The following DOCK3 variants were observed in gnomAD, a reference collection of about 807,000 sequenced individuals.
DOCK3 encodes dedicator of cytokinesis protein 3.
Under a neutral mutation model 265.6 loss-of-function variants are expected in DOCK3, and 60 were observed. The ratio of observed to expected loss-of-function variants is 0.23; its 90% CI spans 0.18 to 0.28. DOCK3 has a LOEUF of 0.28. DOCK3 is among the 10% of genes least tolerant of loss of function. The pLI is 1.00. For missense variants in DOCK3, 1,981 were observed against 2,594.3 expected (o/e 0.76, Z 5.14); for synonymous variants, 881 against 938.0 (o/e 0.94, Z 1.11).
intron 15 of DOCK3, among the ~76,000 whole-genome samples, chr3:51,226,708 G>A (rs1228586641): frequency 1.3e-5 from 2 of 152,164 alleles, no homozygotes; most frequent in Non-Finnish European, 2.9e-5. Flanking sequence ...GTGGCCCAAA[G>A]CTTCCTGTTG....
At chr3:51,104,388 C>T (rs1436164909) in intron 9 of DOCK3, among the ~76,000 whole-genome samples, 1 of 152,112 alleles carries the variant, frequency 6.6e-6, no homozygotes, top group Non-Finnish European at 1.5e-5. Context: ...AAATGGGGAC[C>T]ATTGAAGGTT....
intron 2 of DOCK3, among the ~76,000 whole-genome samples, chr3:50,780,670 A>T (rs2041862306): frequency 6.6e-6 from 1 of 152,200 alleles, no homozygotes; most frequent in Non-Finnish European, 1.5e-5. Context: ...TATCCCAAAC[A>T]TCATTTGTTT....
At chr3:51,187,630 T>C (rs561129316) in intron 12 of DOCK3, among the ~76,000 whole-genome samples, 3 of 152,234 alleles carry the variant, frequency 2.0e-5, no homozygotes, top group Admixed American at 1.3e-4. Flanking sequence ...TTCCCACATA[T>C]TGTGGGAGGG....
intron 38 of DOCK3, among the ~76,000 whole-genome samples, chr3:51,345,456 T>C (rs2085501050): frequency 6.6e-6 from 1 of 151,996 alleles, no homozygotes; most frequent in South Asian, 2.1e-4. Context: ...ATAAAATATT[T>C]TAAAAACTAG....
rs1026530139 is a variant in DOCK3, at chr3:50,990,657, A to C, written c.315+56580A>C. Among the ~76,000 whole-genome samples the C allele has an allele frequency of 2.7e-4, 41 of 152,332 alleles. 1 individual carries two copies. The highest frequency in any genetic ancestry group is 2.4e-3 in the Admixed American group (37 of 15,306). On this transcript the variant is annotated intron_variant, in intron 5 of 52. Transcript: ENST00000266037. ...TCACATGATCACAAGGTCCCACAGT[A>C]GATCATCCGCGGGCTGAGGAGCAAG...
chr3:50,843,396 A>G (rs942839176), intron 3 of DOCK3, among the ~76,000 whole-genome samples: 15 of 152,050 alleles, frequency 9.9e-5, no homozygotes, highest in Non-Finnish European at 1.5e-4. Flanking sequence ...AGACTTCTCT[A>G]TGTAGTCTCG....
chr3:50,711,725 T>G (rs1029987411), intron 1 of DOCK3, among the ~76,000 whole-genome samples: 4 of 152,232 alleles, frequency 2.6e-5, no homozygotes, highest in African/African-American at 9.6e-5. Flanking sequence ...TCCTTTCGTT[T>G]TGGAAGAGTT....
At chr3:50,969,332 C>T (rs546500249) in intron 5 of DOCK3, among the ~76,000 whole-genome samples, 19 of 152,064 alleles carry the variant, frequency 1.2e-4, no homozygotes, top group African/African-American at 4.3e-4. Context: ...ATGGTATATC[C>T]CTTTCCACCC....
chr3:51,286,229 G>C (rs900076333), intron 27 of DOCK3, among the ~76,000 whole-genome samples: 1 of 151,994 alleles, frequency 6.6e-6, no homozygotes. Flanking sequence ...GCCACAAAAA[G>C]AATAAAGTAT....
chr3:50,932,661 G>T (rs923915358), intron 4 of DOCK3, among the ~76,000 whole-genome samples: 4 of 152,134 alleles, frequency 2.6e-5, no homozygotes, highest in Non-Finnish European at 5.9e-5. Flanking sequence ...CATCTTGGAT[G>T]TGTGAAATTA....
intron 2 of DOCK3, among the ~76,000 whole-genome samples, chr3:50,810,256 A>C (rs2043662597): frequency 6.6e-6 from 1 of 152,112 alleles, no homozygotes; most frequent in Non-Finnish European, 1.5e-5. Flanking sequence ...ACTCTTTAAA[A>C]ATTTATTTAG....
At chr3:50,928,157 T>G (rs2050868876) in intron 4 of DOCK3, among the ~76,000 whole-genome samples, 1 of 147,594 alleles carries the variant, frequency 6.8e-6, no homozygotes, top group Non-Finnish European at 1.5e-5. Context: ...ATATATATAA[T>G]AAAGTTTACC....
intron 2 of DOCK3, among the ~76,000 whole-genome samples, chr3:50,817,886 A>G (rs1374896432): frequency 6.6e-6 from 1 of 152,090 alleles, no homozygotes; most frequent in Non-Finnish European, 1.5e-5. Flanking sequence ...TGACATTTTC[A>G]TTTCATTTGA....
intron 2 of DOCK3, among the ~76,000 whole-genome samples, chr3:50,786,162 T>G (rs752537077): frequency 5.3e-5 from 8 of 152,174 alleles, no homozygotes; most frequent in Admixed American, 1.3e-4. Flanking sequence ...ATCTCTTGTT[T>G]TGTTTCTAAT....
In DOCK3 at chr3:51,103,811, A is replaced by T. The variant is rs181306391; in HGVS notation, c.746+13427A>T. Reference sequence around the variant, plus strand: ...TATGTTTGTGCTCAAGGAGAAAAAAAACTGGGAGGATATTCACTTATCCAA... The same window carrying T: ...TATGTTTGTGCTCAAGGAGAAAAAATACTGGGAGGATATTCACTTATCCAA... On this transcript the variant is annotated intron_variant, in intron 9 of 52. Coordinates refer to ENST00000266037, the MANE Select transcript of DOCK3 (RefSeq NM_004947.5). Among the ~76,000 whole-genome samples the T allele has an allele frequency of 2.3e-3, 354 of 152,320 alleles. 1 individual carries two copies. Among genetic ancestry groups the T allele is most frequent in the Admixed American group, 8.9e-3 (137 of 15,308 alleles).
intron 4 of DOCK3, among the ~76,000 whole-genome samples, chr3:50,926,752 G>C (rs2050780339): frequency 6.6e-6 from 1 of 152,146 alleles, no homozygotes; most frequent in Non-Finnish European, 1.5e-5. Flanking sequence ...CAGCTGAGAA[G>C]AAGAAGGAGA....
chr3:51,257,828 AC>A (rs1436795630), intron 22 of DOCK3, among the ~76,000 whole-genome samples: 2 of 152,170 alleles, frequency 1.3e-5, no homozygotes, highest in African/African-American at 4.8e-5. Flanking sequence ...TCCACCTCTC[AC>A]CTTCTATTCC....
At chr3:50,708,126 T>C (rs1392856309) in intron 1 of DOCK3, among the ~76,000 whole-genome samples, 2 of 152,090 alleles carry the variant, frequency 1.3e-5, no homozygotes, top group Non-Finnish European at 2.9e-5. Flanking sequence ...CTGGCCCTGC[T>C]AATGGTGCAT....
intron 22 of DOCK3, among the ~76,000 whole-genome samples, chr3:51,254,731 T>A (rs978263567): frequency 6.6e-6 from 1 of 152,204 alleles, no homozygotes; most frequent in Non-Finnish European, 1.5e-5. Flanking sequence ...TAGATCTTCC[T>A]CCATCCCTTT....
Sources: allele counts gnomAD v4.1 joint callset (sites outside exome capture counted in the v4.1 genomes callset), GRCh38; gene constraint gnomAD v4.1.1; transcripts MANE v1.5; gene names NCBI Gene and HGNC (gene_info 2026-07-23, HGNC 2026-07-21).